TWNK: variants seen among roughly 807,000 people sequenced by gnomAD.
TWNK encodes T7 gp4-like protein with intramitochondrial nucleoid localization.
Under a neutral mutation model 58.2 loss-of-function variants are expected in TWNK, and 36 were observed. The observed-to-expected ratio is 0.62, with a 90% CI of 0.47 to 0.82. The LOEUF is 0.82. Ranked by LOEUF, TWNK falls within the 40% of genes least tolerant of loss-of-function variation. The pLI is 0.00. For missense variants in TWNK, 714 were observed against 881.0 expected (o/e 0.81, Z 2.40); for synonymous variants, 349 against 348.5 (o/e 1.00, Z -0.02).
chr10:100,991,103 G>A, intron 4 of TWNK, 93 bp downstream of exon 4: 1 of 1,581,264 alleles, frequency 6.3e-7, no homozygotes, highest in Non-Finnish European at 8.6e-7. Context: ...CGTCTTGACT[G>A]TCCATCCGAA....
rs187296525 is a variant in TWNK, at chr10:100,992,722, G to C, written c.1735-468G>C. Among the ~76,000 whole-genome samples the C allele has an allele frequency of 3.9e-5, 6 of 152,112 alleles. No individual in the cohort carries two copies. The East Asian group carries it at 1.2e-3, about 30-fold the overall frequency. ...GAAAGATTTGAGTGGCCCCAGCATC[G>C]TGGTCAGTAGTTCAAAGAGCTTTGG... On this transcript the variant is annotated intron_variant, in intron 4 of 4. Coordinates refer to ENST00000311916, the MANE Select transcript of TWNK (RefSeq NM_021830.5).
rs1454226423 is a variant in TWNK at position 100,993,441 on chromosome 10, G to C, written c.1986G>C (p.Gln662His). The C allele has an allele frequency of 6.2e-7, 1 of 1,614,222 alleles. No homozygotes were observed. Among genetic ancestry groups the C allele is most frequent in the Admixed American group, 1.7e-5 (1 of 60,022 alleles). The change falls in exon 5 of 5, where the codon CAG (glutamine) becomes CAC (histidine). Residue 662 changes from glutamine (Q) to histidine (H), a missense_variant. This residue lies in a region of TWNK where 64 missense variants were observed against 54.0 expected (regional missense o/e 1.19). Coordinates refer to ENST00000311916, the MANE Select transcript of TWNK (RefSeq NM_021830.5). ...PSSGKKGATT[Q>H]NSEICSGQAP... is the part of the protein sequence containing the mutation. ...CTGGCAAAAAGGGGGCTACGACACA[G>C]AACTCTGAGATTTGCTCAGGCCAGG...
chr10:100,989,824 C>G lies in TWNK; in HGVS notation c.1424C>G (p.Ala475Gly). The change falls in exon 2 of 5, where the codon GCT becomes GGT. Residue 475 changes from alanine (A) to glycine (G), a missense_variant. Transcript: ENST00000311916. This position sits in a 1 kb window ranked among gnomAD's most constrained non-coding sequence, Gnocchi z 7.6. Reference sequence around the variant, plus strand: ...CAACTGGACAAATATGATCACTGGGCTGACCGCTTTGAGGACCTGCCCCTC... The same window carrying G: ...CAACTGGACAAATATGATCACTGGGGTGACCGCTTTGAGGACCTGCCCCTC... The part of the protein sequence containing the change: ...EDQLDKYDHW[A>G]DRFEDLPLYF... 1 of 1,614,214 alleles carries G rather than the reference C, an allele frequency of 6.2e-7. No individual in the cohort carries two copies. The highest frequency in any genetic ancestry group is 8.5e-7 in the Non-Finnish European group (1 of 1,180,040).
rs1330291349 is a variant in TWNK, at chr10:100,988,856, T to C, written c.646T>C (p.Leu216=). 1.2e-6 allele frequency: 2 copies of C among 1,614,150 alleles called. No homozygotes were observed. Among genetic ancestry groups the C allele is most frequent in the East Asian group, 4.5e-5 (2 of 44,882 alleles). Residue 216 remains leucine, a synonymous_variant, in exon 1 of 5, where the codon TTA becomes CTA. Coordinates refer to ENST00000311916, the MANE Select transcript of TWNK (RefSeq NM_021830.5). The surrounding 1 kb of genome is among the most constrained non-coding windows in gnomAD (Gnocchi z 5.2). The part of the protein sequence containing the change: ...FPWFSPGGSG[L]RGLKLLEAKC... The stretch of plus-strand genomic sequence containing the variant: ...TTGGTTCTCCCCTGGGGGCTCAGGA[T>C]TACGAGGCCTGAAGCTCCTAGAGGC...
In TWNK at chr10:100,988,429, T is replaced by C; in HGVS notation, c.219T>C (p.Asp73=). ...YLRGHGIPFQ[D]GHSCLRALSP... ...GGGGGCATGGGATCCCCTTCCAGGA[T>C]GGTCACAGTTGCCTGCGGGCACTGA... Residue 73 remains aspartate, a synonymous_variant, in exon 1 of 5, where the codon GAT becomes GAC. Transcript: ENST00000311916. This position sits in a 1 kb window ranked among gnomAD's most constrained non-coding sequence, Gnocchi z 5.2. The C allele has an allele frequency of 6.2e-7, 1 of 1,614,258 alleles. No homozygotes were observed. The highest frequency in any genetic ancestry group is 8.5e-7 in the Non-Finnish European group (1 of 1,180,046).
chr10:100,992,205 CTTTTTTTTTTT>C (rs750231609), intron 4 of TWNK, among the ~76,000 whole-genome samples: 2 of 79,010 alleles, frequency 2.5e-5, no homozygotes, highest in African/African-American at 1.1e-4. Context: ...GAGACCCTAT[CTTTTTTTTTTT>C]TTTTTTTTTT....
In TWNK at chr10:100,988,335, A is replaced by G; in HGVS notation, c.125A>G (p.Lys42Arg). ...GGCCCTCCTCGCAGACGTTACAGGA[A>G]GGAGACTCTCCAAGCCTTGGATATG... ...APGPPRRRYRKETLQALDMPV... is the reference protein window; with the variant it reads ...APGPPRRRYRRETLQALDMPV... The change falls in exon 1 of 5, where the codon AAG (lysine) becomes AGG (arginine). Residue 42 changes from lysine (K) to arginine (R), a missense_variant. Lys to Arg is a conservative substitution (Grantham distance 26). This residue lies in a region of TWNK where 348 missense variants were observed against 388.4 expected (regional missense o/e 0.90). Coordinates refer to ENST00000311916, the MANE Select transcript of TWNK (RefSeq NM_021830.5). The surrounding 1 kb of genome is among the most constrained non-coding windows in gnomAD (Gnocchi z 5.2). 1 of 1,614,248 alleles carries G rather than the reference A, an allele frequency of 6.2e-7. No homozygotes were observed. The highest frequency in any genetic ancestry group is 1.1e-5 in the South Asian group (1 of 91,088).
Position 100,987,991 on chromosome 10 carries a change from T to C in TWNK, c.-220T>C, listed in dbSNP as rs1851623680. On this transcript the variant is annotated 5_prime_UTR_variant, in exon 1 of 5. Transcript: ENST00000311916. ...CGGACCATAGAGGTGGGGGAGCCAT[T>C]GTAGAAGGACGTGGACGCGAAAGGG... is the stretch of plus-strand genomic sequence containing the variant. 1.5e-6 allele frequency: 1 copy of C among 647,734 alleles called. No homozygotes were observed. The highest frequency in any genetic ancestry group is 2.8e-6 in the Non-Finnish European group (1 of 359,952). 40.1% of individuals were successfully genotyped at this position (647,734 alleles called of 1,614,324 possible).
At chr10:100,992,842 A>T (rs944121372) in intron 4 of TWNK, among the ~76,000 whole-genome samples, 2 of 151,182 alleles carry the variant, frequency 1.3e-5, no homozygotes, top group African/African-American at 2.4e-5. Flanking sequence ...GCTGGAGTGC[A>T]GTGGCACAAT....
chr10:100,989,455 T>TA lies in TWNK; in HGVS notation c.1243+4dup. The TA allele has an allele frequency of 6.2e-7, 1 of 1,613,670 alleles. No individual in the cohort carries two copies. The highest frequency in any genetic ancestry group is 8.5e-7 in the Non-Finnish European group (1 of 1,180,024). On this transcript the variant is annotated splice_region_variant and intron_variant, in intron 1 of 4. Coordinates refer to ENST00000311916, the MANE Select transcript of TWNK (RefSeq NM_021830.5). This position sits in a 1 kb window ranked among gnomAD's most constrained non-coding sequence, Gnocchi z 7.6. ...AGGGCGAGCTGACGGTCTTCACAGG[T>TA]AACCCTTTGAGAAATCACTACTTAG...
In TWNK at chr10:100,993,149, C is replaced by G. The variant is rs1467353059; in HGVS notation, c.1735-41C>G. On this transcript the variant is annotated intron_variant, in intron 4 of 4. Transcript: ENST00000311916. ...CCCCCCTTTCTGCTTTGCTCATGTC[C>G]TCTTACTCCTGCTTTCCTCCTTCTG... The G allele has an allele frequency of 1.4e-5, 22 of 1,606,128 alleles. No individual in the cohort carries two copies. The East Asian group carries it at 4.9e-4, about 36-fold the overall frequency.
At position 100,989,006 on chromosome 10, in the gene TWNK, G is replaced by A; in HGVS notation, c.796G>A (p.Glu266Lys). 6.2e-7 allele frequency: 1 copy of A among 1,614,160 alleles called. No homozygotes were observed. Among genetic ancestry groups the A allele is most frequent in the Non-Finnish European group, 8.5e-7 (1 of 1,180,024 alleles). ...TGCTGAGGTGGTACTGACGAGTCGT[G>A]AGCTTGACAGCCTGGCCTTGAACCA... Reference protein sequence around the residue: ...RDAEVVLTSRELDSLALNQST... With the variant: ...RDAEVVLTSRKLDSLALNQST... Residue 266 changes from glutamate (E) to lysine (K), a missense_variant, in exon 1 of 5, where the codon GAG (glutamate) becomes AAG (lysine). This residue lies in a region of TWNK where 348 missense variants were observed against 388.4 expected (regional missense o/e 0.90). Coordinates refer to ENST00000311916, the MANE Select transcript of TWNK (RefSeq NM_021830.5). The surrounding 1 kb of genome is among the most constrained non-coding windows in gnomAD (Gnocchi z 7.6).
rs766404600 is a variant in TWNK at position 100,988,944 on chromosome 10, A to G, written c.734A>G (p.His245Arg). ...ETTIPRPSAY[H>R]NLFGLPLISR... ...ACTATTCCCCGACCCAGCGCCTACC[A>G]CAATCTGTTTGGATTACCACTGATT... Residue 245 changes from histidine to arginine, a missense_variant, in exon 1 of 5, where the codon CAC (histidine) becomes CGC (arginine). Around this residue, in one of 3 missense-constraint regions of TWNK, gnomAD observed 348 missense variants for 388.4 expected, o/e 0.90. Transcript: ENST00000311916. The surrounding 1 kb of genome is among the most constrained non-coding windows in gnomAD (Gnocchi z 5.2). The G allele has an allele frequency of 6.2e-7, 1 of 1,614,190 alleles. No individual in the cohort carries two copies. Among genetic ancestry groups the G allele is most frequent in the Non-Finnish European group, 8.5e-7 (1 of 1,180,032 alleles).
In TWNK at chr10:100,989,558, TC is replaced by T. The variant is rs879612003; in HGVS notation, c.1244-80del. ...AATGTTGAAAAGAAGGTTGGCCCTTTCCCCCCAGTTTTAAAGCCCTGACCTA... is the reference window on the plus strand; with the variant it reads ...AATGTTGAAAAGAAGGTTGGCCCTTTCCCCCAGTTTTAAAGCCCTGACCTA... On this transcript the variant is annotated intron_variant, in intron 1 of 4. Coordinates refer to ENST00000311916, the MANE Select transcript of TWNK (RefSeq NM_021830.5). This position sits in a 1 kb window ranked among gnomAD's most constrained non-coding sequence, Gnocchi z 7.6. 17 of 1,610,304 alleles carry T rather than the reference TC, an allele frequency of 1.1e-5. No individual in the cohort carries two copies. Among genetic ancestry groups the T allele is most frequent in the Non-Finnish European group, 1.3e-5 (15 of 1,178,892 alleles).
At position 100,988,226 on chromosome 10, in the gene TWNK, C is replaced by T; in HGVS notation, c.16C>T (p.Arg6Ter). The T allele has an allele frequency of 6.2e-7, 1 of 1,614,154 alleles. No homozygotes were observed. The change falls in exon 1 of 5, where the codon CGA (arginine) becomes TGA (stop). Residue 6 changes from arginine (R) to a stop codon, truncating the protein, a stop_gained. Transcript: ENST00000311916. LOFTEE classifies it high-confidence loss of function. The surrounding 1 kb of genome is among the most constrained non-coding windows in gnomAD (Gnocchi z 5.2). ...TTGGCTAGGAATGTGGGTCCTCCTCCGAAGTGGGTACCCCCTCCGTATCTT... is the reference window on the plus strand; with the variant it reads ...TTGGCTAGGAATGTGGGTCCTCCTCTGAAGTGGGTACCCCCTCCGTATCTT... The part of the protein sequence containing the change: MWVLL[R>*]SGYPLRILLP...
Position 100,987,594 on chromosome 10 carries a change from A to G in TWNK, c.-617A>G. On this transcript the variant is annotated 5_prime_UTR_variant, in exon 1 of 5. Transcript: ENST00000311916. ...GTGCGGGAGACTCACGTTGCCGGCG[A>G]AGTGGGAGAGAGAAAAGTGGTAACC... 8.3e-7 allele frequency: 1 copy of G among 1,212,052 alleles called. No individual in the cohort carries two copies. The highest frequency in any genetic ancestry group is 1.1e-6 in the Non-Finnish European group (1 of 893,008). The allele number at this position is 1,212,052 out of a possible 1,614,324, so 75.1% of individuals were successfully genotyped here.
At position 100,988,468 on chromosome 10, in the gene TWNK, G is replaced by C; in HGVS notation, c.258G>C (p.Glu86Asp). Residue 86 changes from glutamate to aspartate, a missense_variant, in exon 1 of 5, where the codon GAG becomes GAC. This residue lies in a region of TWNK where 348 missense variants were observed against 388.4 expected (regional missense o/e 0.90). Transcript: ENST00000311916. This position sits in a 1 kb window ranked among gnomAD's most constrained non-coding sequence, Gnocchi z 5.2. The stretch of plus-strand genomic sequence containing the variant: ...TGCGGGCACTGAGCCCCTTTGCAGA[G>C]TCTTCACAGCTCAAAGGCCAGACTG... ...SCLRALSPFAESSQLKGQTGV... is the reference protein window; with the variant it reads ...SCLRALSPFADSSQLKGQTGV... The C allele has an allele frequency of 6.2e-7, 1 of 1,614,258 alleles. No homozygotes were observed. The highest frequency in any genetic ancestry group is 8.5e-7 in the Non-Finnish European group (1 of 1,180,054).
intron 4 of TWNK, 144 bp downstream of exon 4, chr10:100,991,154 T>C: frequency 8.2e-7 from 1 of 1,218,850 alleles, no homozygotes; most frequent in Non-Finnish European, 1.1e-6. Flanking sequence ...ACATGAGGAA[T>C]ATATGTGCTG....
In TWNK at chr10:100,988,494, G is replaced by C. The variant is rs370982227; in HGVS notation, c.284G>C (p.Gly95Ala). 7 of 1,614,116 alleles carry C rather than the reference G, an allele frequency of 4.3e-6. No individual in the cohort carries two copies. In the African/African-American group the frequency reaches 8.0e-5, roughly 18 times the overall value. ...AESSQLKGQT[G>A]VTTSFSLFID... ...TCTTCACAGCTCAAAGGCCAGACTG[G>C]TGTTACCACTTCCTTCAGCCTCTTC... Residue 95 changes from glycine (G) to alanine (A), a missense_variant, in exon 1 of 5, where the codon GGT (glycine) becomes GCT (alanine). Gly to Ala is a moderately conservative substitution (Grantham distance 60, BLOSUM62 0). Around this residue, in one of 3 missense-constraint regions of TWNK, gnomAD observed 348 missense variants for 388.4 expected, o/e 0.90. Transcript: ENST00000311916. The surrounding 1 kb of genome is among the most constrained non-coding windows in gnomAD (Gnocchi z 5.2).
Sources: allele counts gnomAD v4.1 joint callset (sites outside exome capture counted in the v4.1 genomes callset), GRCh38; gene constraint gnomAD v4.1.1; regional missense constraint gnomAD v4.1.1; non-coding constraint Gnocchi (gnomAD v3.1); transcripts MANE v1.5; gene names NCBI Gene and HGNC (gene_info 2026-07-23, HGNC 2026-07-21).